Variants in CCDC192 observed in about 807,000 individuals in gnomAD.
The protein encoded by CCDC192 is coiled-coil domain-containing protein 192.
At chr5:127,938,905 T>G (rs1754268233) in intron 6 of CCDC192, among the ~76,000 whole-genome samples, 1 of 149,818 alleles carries the variant, frequency 6.7e-6, no homozygotes, top group Non-Finnish European at 1.5e-5. Flanking sequence ...ATGGACTCCC[T>G]CTCCTGGGCT....
chr5:127,751,050 G>A (rs867588312), intron 2 of CCDC192, among the ~76,000 whole-genome samples: 34 of 146,372 alleles, frequency 2.3e-4, no homozygotes, highest in Admixed American at 5.5e-4. Context: ...CACACTGATG[G>A]GTCTTGACTC....
chr5:127,927,420 C>CG (rs1441447482), intron 6 of CCDC192, among the ~76,000 whole-genome samples: 2 of 151,934 alleles, frequency 1.3e-5, no homozygotes, highest in African/African-American at 2.4e-5. Flanking sequence ...CAGGCATCCA[C>CG]GGGGGGTCTT....
At chr5:127,802,586 C>G (rs1303744776) in intron 5 of CCDC192, among the ~76,000 whole-genome samples, 2 of 152,184 alleles carry the variant, frequency 1.3e-5, no homozygotes, top group Non-Finnish European at 1.5e-5. Flanking sequence ...TTCTCCCTAT[C>G]AGTCCAGAAG....
At chr5:127,839,738 T>C (rs1018645304) in intron 5 of CCDC192, among the ~76,000 whole-genome samples, 127 of 152,216 alleles carry the variant, frequency 8.3e-4, no homozygotes, top group African/African-American at 2.8e-3. Flanking sequence ...TGTGTATCCT[T>C]GCCGATTGAA....
At chr5:127,837,099 A>G (rs1164808644) in intron 5 of CCDC192, among the ~76,000 whole-genome samples, 1 of 81,886 alleles carries the variant, frequency 1.2e-5, no homozygotes, top group African/African-American at 4.0e-5. Flanking sequence ...GGACAGGGGT[A>G]AAATGCCACC....
In CCDC192 at chr5:127,869,955, AC is replaced by A. The variant is rs373257260; in HGVS notation, c.412-5581del. Among the ~76,000 whole-genome samples the A allele has an allele frequency of 2.0e-4, 31 of 152,306 alleles. No individual in the cohort carries two copies. In the East Asian group the frequency reaches 5.6e-3, roughly 27 times the overall value. On this transcript the variant is annotated intron_variant, in intron 5 of 6. Coordinates refer to ENST00000514853, the MANE Select transcript of CCDC192 (RefSeq NM_001317938.2). ...TGACTCTCTTGGCTATCAAGCACCT[AC>A]CAGTGGTCATGTGGGGTCAGGCTCT...
chr5:127,808,196 A>G (rs1757897008), intron 5 of CCDC192, among the ~76,000 whole-genome samples: 1 of 152,112 alleles, frequency 6.6e-6, no homozygotes, highest in South Asian at 2.1e-4. Flanking sequence ...ACCTCTAACA[A>G]ATGAGTATTT....
intron 5 of CCDC192, among the ~76,000 whole-genome samples, chr5:127,807,207 C>T (rs1388435264): frequency 6.6e-6 from 1 of 152,086 alleles, no homozygotes; most frequent in Non-Finnish European, 1.5e-5. Context: ...TGAGTTATCC[C>T]TTACAGTAAC....
intron 2 of CCDC192, among the ~76,000 whole-genome samples, chr5:127,720,821 A>G (rs991014117): frequency 6.6e-6 from 1 of 152,162 alleles, no homozygotes; most frequent in Non-Finnish European, 1.5e-5. Context: ...ACCCTCTGAA[A>G]CAACAGGCTG....
chr5:127,893,758 G>A (rs1752793657), intron 6 of CCDC192, among the ~76,000 whole-genome samples: 1 of 152,226 alleles, frequency 6.6e-6, no homozygotes, highest in Admixed American at 6.5e-5. Context: ...ACTTAAGTAT[G>A]TGTGGGGACG....
chr5:127,841,211 C>G (rs17164622), intron 5 of CCDC192, among the ~76,000 whole-genome samples: 1 of 152,072 alleles, frequency 6.6e-6, no homozygotes, highest in Non-Finnish European at 1.5e-5. Context: ...TAGTGGAGTC[C>G]GAAATACACT....
intron 6 of CCDC192, among the ~76,000 whole-genome samples, chr5:127,885,170 AAGC>A (rs1471547234): frequency 3.9e-5 from 6 of 152,136 alleles, no homozygotes; most frequent in African/African-American, 7.2e-5. Flanking sequence ...GATGAAGGGC[AAGC>A]ACCAGCTAAA....
chr5:127,810,147 G>A (rs544272901), intron 5 of CCDC192, among the ~76,000 whole-genome samples: 3 of 152,194 alleles, frequency 2.0e-5, no homozygotes, highest in Non-Finnish European at 4.4e-5. Context: ...GTAACACATA[G>A]ATCCCAGAAT....
At chr5:127,712,543 C>G (rs140692764) in intron 2 of CCDC192, among the ~76,000 whole-genome samples, 1 of 152,334 alleles carries the variant, frequency 6.6e-6, no homozygotes, top group East Asian at 1.9e-4. Context: ...TGACACCATG[C>G]TTCTTGTACA....
intron 2 of CCDC192, among the ~76,000 whole-genome samples, chr5:127,747,262 C>G (rs1039588815): frequency 6.6e-6 from 1 of 151,966 alleles, no homozygotes; most frequent in East Asian, 1.9e-4. Flanking sequence ...CCCCCTCTCC[C>G]CACCCCGCAA....
chr5:127,816,741 G>T (rs1001865611), intron 5 of CCDC192, among the ~76,000 whole-genome samples: 3 of 152,214 alleles, frequency 2.0e-5, no homozygotes, highest in Non-Finnish European at 2.9e-5. Context: ...CTTGCACTGA[G>T]GATGCGAGGG....
chr5:127,782,365 CT>C (rs1388749930), intron 3 of CCDC192, among the ~76,000 whole-genome samples: 1 of 151,790 alleles, frequency 6.6e-6, no homozygotes, highest in African/African-American at 2.4e-5. Flanking sequence ...CTTTCTCTAT[CT>C]TGTTGGAATA....
intron 5 of CCDC192, among the ~76,000 whole-genome samples, chr5:127,826,403 T>G: frequency 6.6e-6 from 1 of 152,002 alleles, no homozygotes; most frequent in Non-Finnish European, 1.5e-5. Flanking sequence ...AAAACAGAGC[T>G]ACCATTTGAC....
intron 3 of CCDC192, chr5:127,784,882 G>C: frequency 2.2e-6 from 1 of 450,230 alleles, no homozygotes; most frequent in Non-Finnish European, 4.4e-6. Flanking sequence ...CAGTTTCATG[G>C]GCACATTGAT....
Sources: allele counts gnomAD v4.1 joint callset (sites outside exome capture counted in the v4.1 genomes callset), GRCh38; gene constraint gnomAD v4.1.1; transcripts MANE v1.5; gene names NCBI Gene and HGNC (gene_info 2026-07-23, HGNC 2026-07-21).